ZPBP: variants seen among roughly 807,000 people sequenced by gnomAD.
ZPBP encodes the protein zona pellucida binding protein.
Under a neutral mutation model 44.8 loss-of-function variants are expected in ZPBP, and 26 were observed. The observed-to-expected ratio is 0.58, with a 90% CI of 0.43 to 0.81. ZPBP has a LOEUF of 0.81. Ranked by LOEUF, ZPBP falls within the 30% of genes least tolerant of loss-of-function variation. ZPBP has a pLI of 0.00. For missense variants in ZPBP, 409 were observed against 434.0 expected (o/e 0.94, Z 0.51); for synonymous variants, 174 against 153.2 (o/e 1.14, Z -1.00).
chr7:50,059,462 C>T (rs753903781), intron 3 of ZPBP, among the ~76,000 whole-genome samples: 1 of 152,074 alleles, frequency 6.6e-6, no homozygotes, highest in Non-Finnish European at 1.5e-5. Context: ...ATTTAGAATA[C>T]ATGTCTATTG....
Position 50,087,047 on chromosome 7 carries a change from T to C in ZPBP, c.208+2582A>G, listed in dbSNP as rs182237519. 5.3e-4 allele frequency among the ~76,000 whole-genome samples: 80 copies of C among 152,180 alleles called. No homozygotes were observed. In the Middle Eastern group the frequency reaches 0.017, roughly 32 times the overall value. Reference sequence around the variant, plus strand: ...ATAGGCCTTAAATGAGTGATTAAACTGGTAATCAAAAAACCTCCCAAAAGG... The same window carrying C: ...ATAGGCCTTAAATGAGTGATTAAACCGGTAATCAAAAAACCTCCCAAAAGG... On this transcript the variant is annotated intron_variant, in intron 2 of 7. Transcript: ENST00000046087.
intron 7 of ZPBP, among the ~76,000 whole-genome samples, chr7:49,947,041 C>T (rs1022078475): frequency 1.3e-5 from 2 of 152,024 alleles, no homozygotes; most frequent in East Asian, 3.9e-4. Flanking sequence ...CTGCTTGATG[C>T]TTTTTAATTA....
At chr7:50,084,205 C>A (rs1443811497) in intron 2 of ZPBP, among the ~76,000 whole-genome samples, 1 of 151,674 alleles carries the variant, frequency 6.6e-6, no homozygotes, top group African/African-American at 2.4e-5. Flanking sequence ...GAAAATGGGA[C>A]CCCCTCAAGC....
chr7:49,981,426 A>C (rs1382337324), intron 7 of ZPBP, among the ~76,000 whole-genome samples: 1 of 42,444 alleles, frequency 2.4e-5, no homozygotes, highest in African/African-American at 1.1e-4. Context: ...TATATAATAT[A>C]AAATATATAT....
chr7:49,881,780 T>A (rs971894537), intron 2 of ZPBP, among the ~76,000 whole-genome samples: 4 of 152,156 alleles, frequency 2.6e-5, no homozygotes, highest in Admixed American at 2.6e-4. Flanking sequence ...AAATATAGAT[T>A]GAAATCACTT....
chr7:49,879,824 T>C (rs1055050775), intron 2 of ZPBP, among the ~76,000 whole-genome samples: 1 of 152,178 alleles, frequency 6.6e-6, no homozygotes, highest in Non-Finnish European at 1.5e-5. Context: ...TCAGTGGATA[T>C]TTTTCTCATT....
At chr7:50,005,940 T>G (rs1798291926) in intron 6 of ZPBP, among the ~76,000 whole-genome samples, 1 of 151,062 alleles carries the variant, frequency 6.6e-6, no homozygotes. Flanking sequence ...TAAAAATACA[T>G]ACAGGTTGAA....
intron 4 of ZPBP, among the ~76,000 whole-genome samples, chr7:50,052,148 C>A (rs960216338): frequency 1.3e-5 from 2 of 151,808 alleles, no homozygotes; most frequent in African/African-American, 4.8e-5. Context: ...GATGAAAAGA[C>A]AAAATACAGA....
chr7:49,918,416 A>G (rs1306881840), intron 1 of ZPBP: 1 of 152,236 alleles, frequency 6.6e-6, no homozygotes, highest in African/African-American at 2.4e-5. Context: ...CCCTAATTCT[A>G]GAATATCAAT....
At chr7:49,981,852 T>A (rs1166508805) in intron 7 of ZPBP, among the ~76,000 whole-genome samples, 1 of 43,610 alleles carries the variant, frequency 2.3e-5, no homozygotes, top group African/African-American at 9.9e-5. Context: ...TATATAATTA[T>A]ATGAATTATA....
chr7:50,031,371 G>C, intron 4 of ZPBP, 61 bp from the exon 5 acceptor site: 9 of 1,197,860 alleles, frequency 7.5e-6, no homozygotes, highest in Non-Finnish European at 1.1e-5. Flanking sequence ...CAAACATATT[G>C]CAACTATTTA....
chr7:49,964,961 A>G (rs1462641168), intron 7 of ZPBP, among the ~76,000 whole-genome samples: 1 of 152,092 alleles, frequency 6.6e-6, no homozygotes, highest in Non-Finnish European at 1.5e-5. Context: ...AAAATAACCA[A>G]TGTTCACACA....
chr7:49,941,134 A>G (rs771054964), intron 7 of ZPBP, among the ~76,000 whole-genome samples: 39 of 152,198 alleles, frequency 2.6e-4, no homozygotes, highest in Non-Finnish European at 4.6e-4. Flanking sequence ...GACACTATTT[A>G]AAAAACAGAA....
At chr7:49,930,060 G>C (rs1029830706) in intron 1 of ZPBP, among the ~76,000 whole-genome samples, 9 of 152,302 alleles carry the variant, frequency 5.9e-5, no homozygotes, top group African/African-American at 2.2e-4. Context: ...AAGTCCTGTA[G>C]AGGGTTTTTC....
chr7:50,090,262 C>T (rs1017481348), intron 1 of ZPBP, among the ~76,000 whole-genome samples: 2 of 151,928 alleles, frequency 1.3e-5, no homozygotes, highest in Admixed American at 1.3e-4. Context: ...GTTTCTCCCA[C>T]CCCCGAGTCC....
chr7:49,877,483 T>TATACATAC lies in ZPBP; in HGVS notation n.509+23634_509+23635insGTATGTAT, dbSNP rs1256474782. The stretch of plus-strand genomic sequence containing the variant: ...GTCTCAAAAAAAAAAAAAAAAAAAA[T>TATACATAC]ATATATATATATATATATATATATA... On this transcript the variant is annotated intron_variant and non_coding_transcript_variant, in intron 2 of 2. Transcript: ENST00000465922. Among the ~76,000 whole-genome samples the TATACATAC allele has an allele frequency of 1.9e-4, 2 of 10,480 alleles. 1 individual carries two copies. Among genetic ancestry groups the TATACATAC allele is most frequent in the African/African-American group, 7.9e-4 (2 of 2,516 alleles). 6.9% of individuals were successfully genotyped at this position (10,480 alleles called of 152,430 possible).
intron 4 of ZPBP, among the ~76,000 whole-genome samples, chr7:50,039,418 T>C (rs571814319): frequency 2.6e-5 from 4 of 152,124 alleles, no homozygotes; most frequent in Admixed American, 6.5e-5. Context: ...AATCTGAATC[T>C]ACATGCAAAA....
chr7:50,031,002 A>G, intron 5 of ZPBP, 90 bp downstream of exon 5: 3 of 1,093,414 alleles, frequency 2.7e-6, no homozygotes, highest in Non-Finnish European at 2.8e-6. Context: ...TTATGTTTAT[A>G]TCATAAAAAT....
At chr7:50,013,131 A>T (rs543596265) in intron 6 of ZPBP, among the ~76,000 whole-genome samples, 29 of 152,098 alleles carry the variant, frequency 1.9e-4, no homozygotes, top group African/African-American at 7.0e-4. Flanking sequence ...TCAAATTGAT[A>T]TATTTAATTC....
Sources: allele counts gnomAD v4.1 joint callset (sites outside exome capture counted in the v4.1 genomes callset), GRCh38; gene constraint gnomAD v4.1.1; transcripts MANE v1.5; gene names NCBI Gene and HGNC (gene_info 2026-07-23, HGNC 2026-07-21).